CERT1: variants seen among roughly 807,000 people sequenced by gnomAD.
The protein encoded by CERT1 is ceramide transfer protein.
A neutral mutation model predicts 87.9 loss-of-function variants in CERT1; 31 were observed. That is an observed-to-expected ratio of 0.35 (90% CI 0.27 to 0.48). The LOEUF is 0.48. CERT1 is among the 20% of genes least tolerant of loss of function. The pLI is 0.99. For missense variants in CERT1, 487 were observed against 758.0 expected, an observed-to-expected ratio of 0.64 and a Z score of 4.20; for synonymous variants, 289 against 250.9, an observed-to-expected ratio of 1.15 and a Z score of -1.44.
chr5:75,456,389 C>T (rs7722356), intron 3 of CERT1, among the ~76,000 whole-genome samples: 2,203 of 152,134 alleles, frequency 0.014, 47 homozygotes, highest in African/African-American at 0.049. Context: ...GAAAGGGTGG[C>T]TGGCTGCAGA....
Position 75,459,098 on chromosome 5 carries a change from T to C in CERT1, c.315A>G (p.Arg105=), listed in dbSNP as rs996341642. 3.7e-6 allele frequency: 6 copies of C among 1,610,422 alleles called. No homozygotes were observed. Among genetic ancestry groups the C allele is most frequent in the Non-Finnish European group, 3.4e-6 (4 of 1,176,718 alleles). ...WYLRAQDPDH[R]QQWIDAIEQH... is the part of the protein sequence containing the mutation. ...GTTCAATGGCATCTATCCATTGCTG[T>C]CTATGATCTGGATCCTGAGCACGAA... is the stretch of plus-strand genomic sequence containing the variant. The change falls in exon 3 of 17, where the codon AGA becomes AGG. Residue 105 remains arginine, a synonymous_variant. Coordinates refer to ENST00000643780, the MANE Select transcript of CERT1 (RefSeq NM_001379029.1).
At chr5:75,510,113 G>A (rs1767859963) in intron 1 of CERT1, among the ~76,000 whole-genome samples, 2 of 152,230 alleles carry the variant, frequency 1.3e-5, no homozygotes, top group South Asian at 4.1e-4. Context: ...GAAACAGGGT[G>A]ATTTCTTAAT....
At chr5:75,383,358 C>T (rs1761663275) in intron 14 of CERT1, among the ~76,000 whole-genome samples, 1 of 151,998 alleles carries the variant, frequency 6.6e-6, no homozygotes, top group African/African-American at 2.4e-5. Context: ...ATATGACCCT[C>T]CCTCCATCTA....
In CERT1 at chr5:75,379,099, T is replaced by C. The variant is rs7737959; in HGVS notation, c.*247A>G. On this transcript the variant is annotated 3_prime_UTR_variant, in exon 17 of 17. Transcript: ENST00000643780. ...TGGGAAGGCTGAGATGAGAGGATTG[T>C]TTGAGGCCAGAGGTTGAGGTTGCAG... is the stretch of plus-strand genomic sequence containing the variant. 109,448 of 360,928 alleles carry C rather than the reference T, an allele frequency of 0.3. 19,524 individuals carry two copies. Among genetic ancestry groups the C allele is most frequent in the African/African-American group, 0.59 (28,030 of 47,892 alleles). The allele number at this position is 360,928 out of a possible 1,614,324, so 22.4% of individuals were successfully genotyped here. A position where few individuals can be genotyped will look rare whatever the true frequency, so the allele number is the denominator to read the frequency against.
chr5:75,374,591 C>T, downstream of CERT1: 1 of 700,150 alleles, frequency 1.4e-6, no homozygotes, highest in South Asian at 1.4e-5. Flanking sequence ...TCATTTGAAA[C>T]ACAGTGAAGG....
chr5:75,389,588 T>C lies in CERT1; in HGVS notation c.1284+4A>G. On this transcript the variant is annotated splice_donor_region_variant and intron_variant, in intron 12 of 16. Transcript: ENST00000643780. ...GCAATCTATAACATTTCAGGGGGAA[T>C]TACCTTCATTTCTCCTTCTTCTACA... 1.9e-6 allele frequency: 3 copies of C among 1,609,928 alleles called. No individual in the cohort carries two copies. The East Asian group carries it at 6.7e-5, about 36-fold the overall frequency.
chr5:75,370,840 C>A (rs1010162294), intron 17 of CERT1: 2 of 151,400 alleles, frequency 1.3e-5, no homozygotes, highest in African/African-American at 4.9e-5. Flanking sequence ...TAATCCCAGC[C>A]ACTCAGGAGG....
At chr5:75,429,618 T>C (rs745668700) in intron 3 of CERT1, among the ~76,000 whole-genome samples, 3 of 152,110 alleles carry the variant, frequency 2.0e-5, no homozygotes, top group Non-Finnish European at 4.4e-5. Flanking sequence ...GAGGAGTTTA[T>C]GGCTGCAGTA....
Position 75,398,693 on chromosome 5 carries a change from C to A in CERT1, c.1188+617G>T, listed in dbSNP as rs74660807. Among the ~76,000 whole-genome samples the A allele has an allele frequency of 4.6e-5, 7 of 152,214 alleles. No individual in the cohort carries two copies. The East Asian group carries it at 7.7e-4, about 17-fold the overall frequency. On this transcript the variant is annotated intron_variant, in intron 11 of 16. Transcript: ENST00000643780. Reference sequence around the variant, plus strand: ...TTTTGAGGGTACAGACTTTAGAGACCGCAAGCATCCAGCTTCCTGTCTTAA... The same window carrying A: ...TTTTGAGGGTACAGACTTTAGAGACAGCAAGCATCCAGCTTCCTGTCTTAA...
At position 75,463,344 on chromosome 5, in the gene CERT1, C is replaced by A. The variant is rs1220341967; in HGVS notation, c.232-4163G>T. On this transcript the variant is annotated intron_variant, in intron 2 of 16. Coordinates refer to ENST00000643780, the MANE Select transcript of CERT1 (RefSeq NM_001379029.1). ...ATTAGAATTTTTTGGGGCCATAAAC[C>A]ATTGTTTTATCTATGATTTCAACCC... Among the ~76,000 whole-genome samples, 5 of 152,110 alleles carry A rather than the reference C, an allele frequency of 3.3e-5. No individual in the cohort carries two copies. The East Asian group carries it at 7.7e-4, about 24-fold the overall frequency.
At chr5:75,499,422 G>A (rs1029301155) in intron 2 of CERT1, among the ~76,000 whole-genome samples, 1 of 152,092 alleles carries the variant, frequency 6.6e-6, no homozygotes, top group Non-Finnish European at 1.5e-5. Context: ...ATTGAATCAT[G>A]GGAGTGATGG....
chr5:75,437,129 C>A (rs1764129970), intron 3 of CERT1, among the ~76,000 whole-genome samples: 1 of 152,098 alleles, frequency 6.6e-6, no homozygotes. Context: ...TATTCATGTC[C>A]AGTATTAATG....
At chr5:75,483,053 T>C (rs1318848538) in intron 2 of CERT1, among the ~76,000 whole-genome samples, 1 of 152,156 alleles carries the variant, frequency 6.6e-6, no homozygotes, top group Non-Finnish European at 1.5e-5. Context: ...AAGGCACCAG[T>C]GATAAATCCC....
At chr5:75,440,758 C>T (rs1196986331) in intron 3 of CERT1, among the ~76,000 whole-genome samples, 1 of 133,584 alleles carries the variant, frequency 7.5e-6, no homozygotes, top group African/African-American at 3.4e-5. Context: ...TAAGACATTG[C>T]TTATGACCAT....
intron 17 of CERT1, chr5:75,372,761 T>G (rs1295140657): frequency 1.3e-5 from 2 of 152,240 alleles, no homozygotes; most frequent in Non-Finnish European, 2.9e-5. Context: ...ATCTTGCACT[T>G]ATCATTAAGA....
intron 11 of CERT1, 119 bp from the exon 12 acceptor site, chr5:75,389,806 T>G: frequency 1.4e-6 from 1 of 701,032 alleles, no homozygotes; most frequent in Non-Finnish European, 2.5e-6. Flanking sequence ...AGCAACCAAA[T>G]GCACAAAGGT....
At chr5:75,374,122 C>T (rs1408555640), downstream of CERT1, 4 of 399,462 alleles carry the variant, frequency 1.0e-5, no homozygotes, top group African/African-American at 8.4e-5. Flanking sequence ...TACGTTCCAG[C>T]TTAGAGCATT....
chr5:75,432,133 G>A (rs1197733412), intron 3 of CERT1, among the ~76,000 whole-genome samples: 2 of 149,042 alleles, frequency 1.3e-5, no homozygotes, highest in Non-Finnish European at 3.0e-5. Context: ...CTCACTGCAA[G>A]CTCCACCTCC....
chr5:75,394,883 G>GAT (rs1365425316), intron 11 of CERT1, among the ~76,000 whole-genome samples: 1 of 152,120 alleles, frequency 6.6e-6, no homozygotes, highest in East Asian at 1.9e-4. Flanking sequence ...GGCACATATG[G>GAT]ATAAGTACAT....
Sources: gnomAD v4.1 joint callset for allele counts (sites outside exome capture counted in the v4.1 genomes callset) on GRCh38, gnomAD v4.1.1 for gene constraint, MANE v1.5 for transcripts, NCBI Gene and HGNC (gene_info 2026-07-23, HGNC 2026-07-21) for gene names.